CTBP2: variants seen among roughly 807,000 people sequenced by gnomAD.
The protein encoded by CTBP2 is C-terminal-binding protein 2.
Under a neutral mutation model 80.3 loss-of-function variants are expected in CTBP2, and 30 were observed. The ratio of observed to expected loss-of-function variants is 0.37; its 90% CI spans 0.28 to 0.51. The LOEUF (loss-of-function observed/expected upper bound fraction) is 0.51. Ranked by LOEUF, CTBP2 falls within the 20% of genes least tolerant of loss-of-function variation. The probability of loss-of-function intolerance (pLI) is 0.93; values close to 1 mark genes in which losing one functional copy is unlikely to be tolerated. For synonymous variants in CTBP2, 594 were observed against 587.4 expected (o/e 1.01, Z -0.16); for missense variants, 1,212 against 1,375.3 (o/e 0.88, Z 1.88).
At chr10:124,992,632 TCTCTCCCTGGCCCCGGGGCCGTGGTG>T in intron 8 of CTBP2, 37 bp downstream of exon 10, 1 of 1,265,446 alleles carries the variant, frequency 7.9e-7, no homozygotes, top group Non-Finnish European at 1.1e-6. Flanking sequence ...AGTTTGGGCT[TCTCTCCCTGGCCCCGGGGCCGTGGTG>T]CTCACAAGCT....
intron 1 of CTBP2, among the ~76,000 whole-genome samples, chr10:125,118,735 G>A (rs1178756917): frequency 1.7e-5 from 2 of 114,328 alleles, no homozygotes; most frequent in Non-Finnish European, 3.6e-5. Context: ...GGGAGGGGGG[G>A]ATGGGGAACG....
intron 1 of CTBP2, among the ~76,000 whole-genome samples, chr10:125,125,934 C>T (rs112720268): frequency 2.0e-3 from 310 of 152,318 alleles, no homozygotes; most frequent in African/African-American, 7.0e-3. Context: ...AAGGGTGATG[C>T]TAAGAACATC....
Position 125,027,479 on chromosome 10 carries a change from C to T in CTBP2, c.281G>A (p.Ser94Asn). 1 of 1,614,182 alleles carries T rather than the reference C, an allele frequency of 6.2e-7. No individual in the cohort carries two copies. The highest frequency in any genetic ancestry group is 1.1e-5 in the South Asian group (1 of 91,090). ...GCGACCAGACATCACTGCCTGTCTGCTGTCGTAGAAGGTGAAGTCAGGAGT... is the reference window on the plus strand; with the variant it reads ...GCGACCAGACATCACTGCCTGTCTGTTGTCGTAGAAGGTGAAGTCAGGAGT... The change falls in exon 1 of 9, where the codon AGC becomes AAC. Residue 94 changes from serine (S) to asparagine (N), a missense_variant. By Grantham distance (46) the Ser-to-Asn change is conservative. Around this residue, in one of 3 missense-constraint regions of CTBP2, gnomAD observed 848 missense variants for 782.3 expected, o/e 1.08. Coordinates refer to ENST00000309035, the MANE Select transcript of CTBP2 (RefSeq NM_022802.3).
Position 124,985,037 on chromosome 10 carries a change from T to C in CTBP2, c.*4481A>G, listed in dbSNP as rs892433427. 12 of 1,466,482 alleles carry C rather than the reference T, an allele frequency of 8.2e-6. No homozygotes were observed. The African/African-American group carries it at 9.8e-5, about 12-fold the overall frequency. 90.8% of individuals were successfully genotyped at this position (1,466,482 alleles called of 1,614,324 possible). On this transcript the variant is annotated 3_prime_UTR_variant, in exon 9 of 9. Transcript: ENST00000309035. ...GAAGACCAAGGCATCAGATCTGTAA[T>C]GACCCTAAAGTTAGTGTGGTGCTCC...
chr10:124,992,641 G>A (rs1952836960), intron 8 of CTBP2, 54 bp downstream of exon 10: 3 of 1,352,388 alleles, frequency 2.2e-6, no homozygotes, highest in Non-Finnish European at 3.0e-6. Context: ...TTCTCTCCCT[G>A]GCCCCGGGGC....
intron 2 of CTBP2, among the ~76,000 whole-genome samples, chr10:125,076,080 C>T (rs890620987): frequency 2.6e-4 from 39 of 152,330 alleles, no homozygotes; most frequent in African/African-American, 8.9e-4. Flanking sequence ...TGGAACCGTA[C>T]ACAGAAATGA....
chr10:124,994,392 C>A (rs1184665864), intron 5 of CTBP2, 77 bp downstream of exon 7: 2 of 1,431,792 alleles, frequency 1.4e-6, no homozygotes, highest in African/African-American at 2.8e-5. Flanking sequence ...CCGTTGCCCT[C>A]CGTGTCCCTC....
At chr10:125,001,859 AGGCTAAGGCTG>A (rs1231123311) in intron 3 of CTBP2, among the ~76,000 whole-genome samples, 3 of 152,202 alleles carry the variant, frequency 2.0e-5, no homozygotes, top group African/African-American at 4.8e-5. Flanking sequence ...TCCATGCCCC[AGGCTAAGGCTG>A]TGGAGAGACA....
chr10:125,065,283 C>T (rs144675535), intron 2 of CTBP2, among the ~76,000 whole-genome samples: 1 of 152,282 alleles, frequency 6.6e-6, no homozygotes, highest in East Asian at 1.9e-4. Context: ...ACTCAAATGC[C>T]CCCAACAAGA....
chr10:125,141,902 C>A (rs143916223), intron 1 of CTBP2, among the ~76,000 whole-genome samples: 155 of 152,342 alleles, frequency 1.0e-3, no homozygotes, highest in African/African-American at 3.6e-3. Context: ...AAGGAGAAAG[C>A]GGCCCTGGCC....
At chr10:125,004,326 C>A (rs1230803993) in intron 1 of CTBP2, among the ~76,000 whole-genome samples, 2 of 152,234 alleles carry the variant, frequency 1.3e-5, no homozygotes, top group Admixed American at 1.3e-4. Context: ...ACATACAGGG[C>A]AGACACCCTG....
chr10:125,034,999 A>G (rs1356366010), intron 3 of CTBP2, among the ~76,000 whole-genome samples: 1 of 152,106 alleles, frequency 6.6e-6, no homozygotes, highest in East Asian at 1.9e-4. Flanking sequence ...ATACGTATGG[A>G]TGACCTTTCT....
chr10:125,121,271 G>A (rs1030688766), intron 1 of CTBP2, among the ~76,000 whole-genome samples: 5 of 152,214 alleles, frequency 3.3e-5, no homozygotes, highest in East Asian at 1.9e-4. Flanking sequence ...AGCGCTCAGC[G>A]TGGCGCCTGG....
At chr10:125,090,703 T>TA (rs1205379099) in intron 2 of CTBP2, among the ~76,000 whole-genome samples, 1 of 151,602 alleles carries the variant, frequency 6.6e-6, no homozygotes, top group Non-Finnish European at 1.5e-5. Flanking sequence ...GTCGAGGCTG[T>TA]AGTAAGCTGT....
chr10:125,056,836 C>A (rs1442970447), intron 2 of CTBP2, among the ~76,000 whole-genome samples: 3 of 152,254 alleles, frequency 2.0e-5, no homozygotes, highest in Non-Finnish European at 4.4e-5. Context: ...GGGGACCCAC[C>A]TCCCAGTCCG....
intron 2 of CTBP2, among the ~76,000 whole-genome samples, chr10:125,064,055 T>TAA (rs11439387): frequency 1.3e-5 from 2 of 151,988 alleles, no homozygotes; most frequent in South Asian, 2.1e-4. Flanking sequence ...TAAAATGCAT[T>TAA]AAAAAAATAA....
chr10:125,034,877 C>A (rs1165955220), intron 3 of CTBP2, among the ~76,000 whole-genome samples: 1 of 152,208 alleles, frequency 6.6e-6, no homozygotes, highest in Non-Finnish European at 1.5e-5. Flanking sequence ...CCTGGAGGCT[C>A]TGATGGGTGT....
At chr10:125,047,218 T>C (rs988396542) in intron 2 of CTBP2, among the ~76,000 whole-genome samples, 3 of 152,228 alleles carry the variant, frequency 2.0e-5, no homozygotes, top group African/African-American at 7.2e-5. Flanking sequence ...ACACCTCTTA[T>C]TCCTGTCTGT....
chr10:125,147,058 G>A (rs1858910807), intron 1 of CTBP2, among the ~76,000 whole-genome samples: 1 of 152,190 alleles, frequency 6.6e-6, no homozygotes. Flanking sequence ...CAAGCAAGTC[G>A]ACAGCCCTGG....
Sources: gnomAD v4.1 joint callset for allele counts (sites outside exome capture counted in the v4.1 genomes callset) on GRCh38, gnomAD v4.1.1 for gene constraint, gnomAD v4.1.1 regional missense constraint, MANE v1.5 for transcripts, NCBI Gene and HGNC (gene_info 2026-07-23, HGNC 2026-07-21) for gene names.